Variants in FBXL4 observed in about 807,000 individuals in gnomAD.
The protein encoded by FBXL4 is F-box/LRR-repeat protein 4.
In FBXL4, 40 loss-of-function variants were observed where a neutral mutation model predicts 58.9. The ratio of observed to expected loss-of-function variants is 0.68; its 90% CI spans 0.53 to 0.88. The LOEUF (loss-of-function observed/expected upper bound fraction) is 0.88, where lower values mean the gene tolerates loss of function less well. Ranked by LOEUF, FBXL4 falls within the 40% of genes least tolerant of loss-of-function variation. FBXL4 has a pLI of 0.00. For missense variants in FBXL4, 676 were observed against 734.4 expected (o/e 0.92, Z 0.92); for synonymous variants, 263 against 265.5 (o/e 0.99, Z 0.09).
chr6:98,895,921 T>C (rs1408334538), intron 7 of FBXL4, among the ~76,000 whole-genome samples: 2 of 152,176 alleles, frequency 1.3e-5, no homozygotes, highest in African/African-American at 4.8e-5. Context: ...GAAGTTAATA[T>C]GCTATAATAC....
intron 4 of FBXL4, 32 bp downstream of exon 4, chr6:98,926,445 T>A: frequency 6.5e-7 from 1 of 1,545,150 alleles, no homozygotes; most frequent in Non-Finnish European, 8.7e-7. Context: ...CTTTCTACCA[T>A]ATAACTTAGG....
intron 2 of FBXL4, among the ~76,000 whole-genome samples, chr6:98,933,179 A>G (rs1562249328): frequency 6.6e-6 from 1 of 152,166 alleles, no homozygotes; most frequent in Non-Finnish European, 1.5e-5. Flanking sequence ...TGAAATTCCT[A>G]TCAGCTCTCT....
intron 1 of FBXL4, among the ~76,000 whole-genome samples, chr6:98,941,922 AAACT>A (rs1773447137): frequency 1.3e-5 from 2 of 152,254 alleles, no homozygotes; most frequent in African/African-American, 4.8e-5. Flanking sequence ...AAATAAGCAC[AAACT>A]AACTTAAAAA....
rs1393878124 is a variant in FBXL4 at position 98,874,173 on chromosome 6, T to A, written c.*105A>T. 4 of 788,866 alleles carry A rather than the reference T, an allele frequency of 5.1e-6. No individual in the cohort carries two copies. Among genetic ancestry groups the A allele is most frequent in the Non-Finnish European group, 7.5e-6 (4 of 533,390 alleles). The allele number at this position is 788,866 out of a possible 1,614,324, so 48.9% of individuals were successfully genotyped here. A position where few individuals can be genotyped will look rare whatever the true frequency, so the allele number is the denominator to read the frequency against. On this transcript the variant is annotated 3_prime_UTR_variant, in exon 10 of 10. Coordinates refer to ENST00000369244, the MANE Select transcript of FBXL4 (RefSeq NM_001278716.2). ...CATATTTTTCTTTAAAATCTACAAA[T>A]GTCTTAATTCTTACCATTAAAACAA...
intron 9 of FBXL4, 86 bp from the exon 10 acceptor site, chr6:98,874,527 TTTA>T (rs1770586055): frequency 2.9e-6 from 4 of 1,381,664 alleles, no homozygotes; most frequent in African/African-American, 1.5e-5. Flanking sequence ...CCATCCATGA[TTTA>T]TTGTTTGTAA....
At chr6:98,886,486 A>C (rs1201268842) in intron 7 of FBXL4, among the ~76,000 whole-genome samples, 1 of 152,160 alleles carries the variant, frequency 6.6e-6, no homozygotes, top group Non-Finnish European at 1.5e-5. Context: ...TAGATTTCCA[A>C]TCAGTTTTTT....
intron 1 of FBXL4, among the ~76,000 whole-genome samples, chr6:98,946,149 T>C (rs1773611667): frequency 6.6e-6 from 1 of 152,116 alleles, no homozygotes; most frequent in Admixed American, 6.5e-5. Context: ...AATAAGAGCA[T>C]CACAGAAGCC....
chr6:98,889,742 G>A (rs1771161459), intron 7 of FBXL4, among the ~76,000 whole-genome samples: 1 of 151,830 alleles, frequency 6.6e-6, no homozygotes, highest in Admixed American at 6.6e-5. Context: ...TGAAATGATG[G>A]ATAACAGATG....
intron 5 of FBXL4, among the ~76,000 whole-genome samples, chr6:98,906,944 T>C (rs1349538740): frequency 6.6e-6 from 1 of 152,232 alleles, no homozygotes; most frequent in East Asian, 1.9e-4. Context: ...TTTTTTCTTA[T>C]GTTTGTTGGC....
intron 1 of FBXL4, among the ~76,000 whole-genome samples, chr6:98,937,723 CA>C (rs1026291181): frequency 5.9e-5 from 9 of 152,090 alleles, no homozygotes; most frequent in African/African-American, 1.9e-4. Flanking sequence ...TTCATTTCTC[CA>C]AAAATATCTC....
At chr6:98,876,126 A>G (rs1274213235) in intron 8 of FBXL4, among the ~76,000 whole-genome samples, 3 of 152,216 alleles carry the variant, frequency 2.0e-5, no homozygotes, top group African/African-American at 7.2e-5. Flanking sequence ...TGGCAAGTAT[A>G]TATGATCTCC....
intron 1 of FBXL4, among the ~76,000 whole-genome samples, chr6:98,938,683 T>C (rs1240514104): frequency 1.3e-5 from 2 of 152,300 alleles, no homozygotes; most frequent in East Asian, 3.9e-4. Context: ...CCAGAGTTAG[T>C]CTATCCCTTC....
At chr6:98,931,108 C>T (rs188479784) in intron 2 of FBXL4, among the ~76,000 whole-genome samples, 3 of 152,352 alleles carry the variant, frequency 2.0e-5, no homozygotes, top group Admixed American at 1.3e-4. Context: ...CTGGACATCA[C>T]TTCTCACTCC....
chr6:98,902,579 T>C (rs1318256457), intron 6 of FBXL4, among the ~76,000 whole-genome samples: 2 of 152,086 alleles, frequency 1.3e-5, no homozygotes, highest in Non-Finnish European at 2.9e-5. Context: ...TCCAAGAATG[T>C]TTCCTAAAGG....
chr6:98,911,039 C>G (rs551397711), intron 5 of FBXL4, among the ~76,000 whole-genome samples: 5 of 63,488 alleles, frequency 7.9e-5, no homozygotes, highest in Non-Finnish European at 1.6e-4. Context: ...CCGCACCTGG[C>G]TCGGAGGGTC....
Position 98,902,607 on chromosome 6 carries a change from G to A in FBXL4, c.1103+2819C>T, listed in dbSNP as rs113966695. Among the ~76,000 whole-genome samples, 1,130 of 151,932 alleles carry A rather than the reference G, an allele frequency of 7.4e-3. 15 individuals are homozygous for A. The highest frequency in any genetic ancestry group is 0.026 in the African/African-American group (1,071 of 41,458). On this transcript the variant is annotated intron_variant, in intron 6 of 9. Coordinates refer to ENST00000369244, the MANE Select transcript of FBXL4 (RefSeq NM_001278716.2). Reference sequence around the variant, plus strand: ...CCTAAAGGAATGAATATAAACTACCGAGAACAAGTAAGAGGAGTTTAGAGT... The same window carrying A: ...CCTAAAGGAATGAATATAAACTACCAAGAACAAGTAAGAGGAGTTTAGAGT...
intron 2 of FBXL4, among the ~76,000 whole-genome samples, chr6:98,929,738 G>A (rs11970049): frequency 0.017 from 2,525 of 152,192 alleles, 65 homozygotes; most frequent in African/African-American, 0.058. Context: ...TAAAGACACA[G>A]GTCACAGTTG....
rs1288662771 is a variant in FBXL4, at chr6:98,869,233, C to T, written c.*5045G>A. The T allele has an allele frequency of 6.6e-6, 1 of 152,172 alleles. No individual in the cohort carries two copies. The highest frequency in any genetic ancestry group is 6.5e-5 in the Admixed American group (1 of 15,274). The allele number at this position is 152,172 out of a possible 1,614,324, so 9.4% of individuals were successfully genotyped here. A position where few individuals can be genotyped will look rare whatever the true frequency, so the allele number is the denominator to read the frequency against. Reference sequence around the variant, plus strand: ...TGTGCTAAAAGGAGAAAAGTAGATGCAGCACTGATGTGTCAAAAATGACTT... The same window carrying T: ...TGTGCTAAAAGGAGAAAAGTAGATGTAGCACTGATGTGTCAAAAATGACTT... On this transcript the variant is annotated 3_prime_UTR_variant, in exon 10 of 10. Coordinates refer to ENST00000369244, the MANE Select transcript of FBXL4 (RefSeq NM_001278716.2).
In FBXL4 at chr6:98,893,906, C is replaced by T. The variant is rs574561852; in HGVS notation, c.1317+5362G>A. Reference sequence around the variant, plus strand: ...ATTTATTTTATTTTTGAGACAGGGTCTTGCTCTGTCACTCAGGCTGGAGTG... The same window carrying T: ...ATTTATTTTATTTTTGAGACAGGGTTTTGCTCTGTCACTCAGGCTGGAGTG... On this transcript the variant is annotated intron_variant, in intron 7 of 9. Coordinates refer to ENST00000369244, the MANE Select transcript of FBXL4 (RefSeq NM_001278716.2). 1.3e-4 allele frequency among the ~76,000 whole-genome samples: 20 copies of T among 152,136 alleles called. No homozygotes were observed. In the South Asian group the frequency reaches 1.9e-3, roughly 14 times the overall value.
Sources: gnomAD v4.1 joint callset for allele counts (sites outside exome capture counted in the v4.1 genomes callset) on GRCh38, gnomAD v4.1.1 for gene constraint, MANE v1.5 for transcripts, NCBI Gene and HGNC (gene_info 2026-07-23, HGNC 2026-07-21) for gene names.